The following RASSF8 variants were observed in gnomAD, a reference collection of about 807,000 sequenced individuals.
RASSF8 encodes the protein ras association domain-containing protein 8.
In RASSF8, 22 loss-of-function variants were observed where a neutral mutation model predicts 48.5. The ratio of observed to expected loss-of-function variants is 0.45; its 90% CI spans 0.32 to 0.65. The LOEUF (loss-of-function observed/expected upper bound fraction) is 0.65, where lower values mean the gene tolerates loss of function less well. Among genes scored for constraint, RASSF8 ranks in the 30% least tolerant of loss-of-function variants. RASSF8 has a pLI of 0.03. For missense variants in RASSF8, 418 were observed against 489.2 expected, an observed-to-expected ratio of 0.85 and a Z score of 1.37; for synonymous variants, 127 against 171.5, an observed-to-expected ratio of 0.74 and a Z score of 2.03.
At chr12:26,076,637 G>A (rs562009243), downstream of RASSF8, among the ~76,000 whole-genome samples, 1 of 152,266 alleles carries the variant, frequency 6.6e-6, no homozygotes, top group African/African-American at 2.4e-5. Flanking sequence ...TGGTGTATAT[G>A]TGCCACATTT....
At chr12:26,028,611 A>T (rs1161545346) in intron 2 of RASSF8, among the ~76,000 whole-genome samples, 1 of 152,204 alleles carries the variant, frequency 6.6e-6, no homozygotes, top group East Asian at 1.9e-4. Context: ...AAGTGACAAT[A>T]AATAGAATTG....
intron 2 of RASSF8, among the ~76,000 whole-genome samples, chr12:26,013,914 T>C (rs1308720712): frequency 6.6e-6 from 1 of 152,238 alleles, no homozygotes; most frequent in Non-Finnish European, 1.5e-5. Context: ...CTGGGAAGAA[T>C]GAAATAGTTC....
At chr12:26,054,994 T>G (rs952795399) in intron 2 of RASSF8, among the ~76,000 whole-genome samples, 3 of 152,168 alleles carry the variant, frequency 2.0e-5, no homozygotes, top group Admixed American at 1.3e-4. Context: ...TAAATAGGAA[T>G]TTTTAATGTA....
chr12:26,074,198 G>T (rs115030925), downstream of RASSF8, among the ~76,000 whole-genome samples: 391 of 152,222 alleles, frequency 2.6e-3, 3 homozygotes, highest in African/African-American at 9.2e-3. Context: ...CTCCACATAC[G>T]TGTGCTGTGT....
exon 6 of RASSF8, chr12:26,079,294 G>T (rs2137359604): frequency 5.2e-6 from 2 of 381,986 alleles, no homozygotes; most frequent in Middle Eastern, 1.5e-3. Flanking sequence ...AATTAAAAAT[G>T]GTCAAAGGGG....
At chr12:25,968,285 C>T (rs564810569) in intron 1 of RASSF8, among the ~76,000 whole-genome samples, 1 of 152,274 alleles carries the variant, frequency 6.6e-6, no homozygotes, top group East Asian at 1.9e-4. Flanking sequence ...GGCTGTCTCC[C>T]TCCATCTTGA....
chr12:25,995,466 T>A (rs1390846041), intron 2 of RASSF8, among the ~76,000 whole-genome samples: 1 of 152,202 alleles, frequency 6.6e-6, no homozygotes, highest in Non-Finnish European at 1.5e-5. Flanking sequence ...TGAGCACTAT[T>A]CTACTAATGC....
intron 2 of RASSF8, among the ~76,000 whole-genome samples, chr12:26,054,158 C>T (rs16929970): frequency 0.15 from 22,794 of 152,038 alleles, 1,945 homozygotes; most frequent in Admixed American, 0.23. Context: ...ACAACAAAGA[C>T]GTGGGAAGAC....
intron 1 of RASSF8, among the ~76,000 whole-genome samples, chr12:25,969,297 G>C (rs779970398): frequency 3.3e-5 from 5 of 152,188 alleles, no homozygotes; most frequent in Non-Finnish European, 7.3e-5. Flanking sequence ...CCTGCTGGCT[G>C]TAGGACCATG....
chr12:26,044,529 G>A (rs1164412017), intron 2 of RASSF8, among the ~76,000 whole-genome samples: 2 of 152,100 alleles, frequency 1.3e-5, no homozygotes, highest in Non-Finnish European at 2.9e-5. Flanking sequence ...TGTACTGTAG[G>A]TTAGGTTGTA....
intron 2 of RASSF8, among the ~76,000 whole-genome samples, chr12:26,038,608 AACACACAC>A (rs57536643): frequency 0.15 from 21,982 of 144,812 alleles, 1,832 homozygotes; most frequent in Non-Finnish European, 0.2. Flanking sequence ...TTCTTATTAA[AACACACAC>A]ACACACACAC....
intron 5 of RASSF8, among the ~76,000 whole-genome samples, chr12:26,068,426 CTG>C (rs1943928583): frequency 6.6e-6 from 1 of 152,062 alleles, no homozygotes; most frequent in Non-Finnish European, 1.5e-5. Flanking sequence ...AATTCCAAAT[CTG>C]TGTATGCATA....
chr12:26,000,982 CTTTTTTT>C (rs34793650), intron 2 of RASSF8, among the ~76,000 whole-genome samples: 1,282 of 81,084 alleles, frequency 0.016, 6 homozygotes, highest in Non-Finnish European at 0.023. Context: ...TTAAAATTTC[CTTTTTTT>C]TTTTTTTTTT....
chr12:25,998,294 T>C (rs1165706680), intron 2 of RASSF8, among the ~76,000 whole-genome samples: 1 of 152,016 alleles, frequency 6.6e-6, no homozygotes, highest in African/African-American at 2.4e-5. Flanking sequence ...TATCCAGACA[T>C]CATTTTTAGA....
intron 2 of RASSF8, among the ~76,000 whole-genome samples, chr12:26,038,468 A>G (rs1309887659): frequency 1.3e-5 from 2 of 152,170 alleles, no homozygotes; most frequent in Non-Finnish European, 2.9e-5. Flanking sequence ...TGGCTTTTAA[A>G]TGTATCTTCA....
At chr12:25,968,191 C>T (rs1418667672) in intron 1 of RASSF8, among the ~76,000 whole-genome samples, 9 of 152,204 alleles carry the variant, frequency 5.9e-5, no homozygotes. Flanking sequence ...ATGCCACAGG[C>T]ATCCATATCT....
chr12:26,039,621 C>T (rs1423851328), intron 2 of RASSF8, among the ~76,000 whole-genome samples: 1 of 152,084 alleles, frequency 6.6e-6, no homozygotes, highest in Non-Finnish European at 1.5e-5. Context: ...TAACCTGTTG[C>T]CTATTGCATA....
At chr12:26,068,393 A>T (rs1182231057) in intron 5 of RASSF8, among the ~76,000 whole-genome samples, 1 of 152,112 alleles carries the variant, frequency 6.6e-6, no homozygotes, top group African/African-American at 2.4e-5. Context: ...GTTATTATTA[A>T]TTTGTGCTGA....
intron 1 of RASSF8, among the ~76,000 whole-genome samples, chr12:25,978,299 A>AT (rs1278420342): frequency 6.6e-6 from 1 of 152,226 alleles, no homozygotes; most frequent in East Asian, 1.9e-4. Context: ...GGGCCTAAAT[A>AT]TAACATCCTT....
Sources: allele counts gnomAD v4.1 joint callset (sites outside exome capture counted in the v4.1 genomes callset), GRCh38; gene constraint gnomAD v4.1.1; transcripts MANE v1.5; gene names NCBI Gene and HGNC (gene_info 2026-07-23, HGNC 2026-07-21).